Variants in GABRA2 observed in about 807,000 individuals in gnomAD.
GABRA2 encodes the protein gamma-aminobutyric acid type A receptor subunit alpha2.
GABRA2 carries 16 observed loss-of-function variants against 48.7 expected under a neutral mutation model. The observed-to-expected ratio is 0.33, with a 90% CI of 0.22 to 0.50. GABRA2 has a LOEUF of 0.50. Ranked by LOEUF, GABRA2 falls within the 20% of genes least tolerant of loss-of-function variation. The pLI is 0.98. For synonymous variants in GABRA2, 185 were observed against 184.5 expected, an observed-to-expected ratio of 1.00 and a Z score of -0.02; for missense variants, 275 against 535.6, an observed-to-expected ratio of 0.51 and a Z score of 4.80.
chr4:46,312,723 T>TA lies in GABRA2; in HGVS notation c.256-8dup, dbSNP rs376045789. On this transcript the variant is annotated splice_polypyrimidine_tract_variant and splice_region_variant and intron_variant, in intron 4 of 9. Transcript: ENST00000381620. Reference sequence around the variant, plus strand: ...AAACATCAATTGTATATTCCTGAAATAAAAAATAGAATTTTTTTGAAAATA... The same window carrying TA: ...AAACATCAATTGTATATTCCTGAAATAAAAAAATAGAATTTTTTTGAAAATA... 403 of 1,408,860 alleles carry TA rather than the reference T, an allele frequency of 2.9e-4. 1 individual carries two copies. In the African/African-American group the frequency reaches 4.8e-3, roughly 17 times the overall value. 87.3% of individuals were successfully genotyped at this position (1,408,860 alleles called of 1,614,324 possible). A position where few individuals can be genotyped will look rare whatever the true frequency, so the allele number is the denominator to read the frequency against.
Position 46,273,445 on chromosome 4 carries a change from G to GTGTC in GABRA2, c.857-11318_857-11317insGACA, listed in dbSNP as rs1553901998. Among the ~76,000 whole-genome samples the GTGTC allele has an allele frequency of 5.1e-4, 70 of 137,010 alleles. 2 individuals carry two copies. Among genetic ancestry groups the GTGTC allele is most frequent in the African/African-American group, 1.9e-3 (67 of 36,050 alleles). The allele number at this position is 137,010 out of a possible 152,430, so 89.9% of individuals were successfully genotyped here. ...TTCACACTGCAGATATATTTAGACA[G>GTGTC]TCTCTCTATAGACCATTCATTGCAT... On this transcript the variant is annotated intron_variant, in intron 8 of 9. Coordinates refer to ENST00000381620, the MANE Select transcript of GABRA2 (RefSeq NM_000807.4).
rs146332725 is a variant in GABRA2, at chr4:46,344,928, G to A, written c.188-12246C>T. ...GTTTAGGTAATCCTATTAATAAAAT[G>A]TAAAATATTGTATATCCATATGATA... On this transcript the variant is annotated intron_variant, in intron 3 of 9. Coordinates refer to ENST00000381620, the MANE Select transcript of GABRA2 (RefSeq NM_000807.4). 2.4e-3 allele frequency among the ~76,000 whole-genome samples: 358 copies of A among 151,998 alleles called. 4 individuals carry two copies. The highest frequency in any genetic ancestry group is 8.5e-3 in the African/African-American group (351 of 41,514).
intron 3 of GABRA2, among the ~76,000 whole-genome samples, chr4:46,382,177 TACACAC>T (rs36024364): frequency 7.1e-6 from 1 of 140,780 alleles, no homozygotes; most frequent in Non-Finnish European, 1.6e-5. Flanking sequence ...TACACAAACA[TACACAC>T]ACACACACAC....
rs2109359397 is a variant in GABRA2 at position 46,246,670 on chromosome 4, T to A, written c.*3638A>T. On this transcript the variant is annotated 3_prime_UTR_variant, in exon 10 of 10. Transcript: ENST00000381620. ...ATTGCTTCAAAAACATGCAGATGAA[T>A]GTCAGTGTGCCAGGAGACTAATAAC... Among the ~76,000 whole-genome samples the A allele has an allele frequency of 6.6e-6, 1 of 151,430 alleles. No individual in the cohort carries two copies. The highest frequency in any genetic ancestry group is 1.5e-5 in the Non-Finnish European group (1 of 67,474).
chr4:46,307,712 G>A (rs931417934), intron 6 of GABRA2, among the ~76,000 whole-genome samples: 5 of 152,050 alleles, frequency 3.3e-5, no homozygotes, highest in African/African-American at 9.7e-5. Context: ...TATGGAAGAT[G>A]GAAATCTAGA....
chr4:46,341,205 A>G (rs1733162571), intron 3 of GABRA2, among the ~76,000 whole-genome samples: 1 of 152,046 alleles, frequency 6.6e-6, no homozygotes, highest in South Asian at 2.1e-4. Flanking sequence ...CTTGTTGACT[A>G]GTAATTCTGA....
intron 8 of GABRA2, among the ~76,000 whole-genome samples, chr4:46,294,502 C>T (rs980437355): frequency 6.6e-6 from 1 of 152,134 alleles, no homozygotes; most frequent in Admixed American, 6.5e-5. Context: ...TATTGAGTGA[C>T]CTGAAAGGCT....
At chr4:46,377,415 T>G (rs1715937214) in intron 3 of GABRA2, among the ~76,000 whole-genome samples, 1 of 150,280 alleles carries the variant, frequency 6.7e-6, no homozygotes, top group African/African-American at 2.5e-5. Flanking sequence ...GGAGCGTCTC[T>G]GCCCAGCCGC....
Position 46,376,540 on chromosome 4 carries a change from A to G in GABRA2, c.187+9534T>C, listed in dbSNP as rs1578215868. The stretch of plus-strand genomic sequence containing the variant: ...GCGATGGTTGAAAAAACCAACTGCT[A>G]TTAACCAAAAATGTTTTCAGATGAA... On this transcript the variant is annotated intron_variant, in intron 3 of 9. Transcript: ENST00000381620. 2.0e-5 allele frequency among the ~76,000 whole-genome samples: 3 copies of G among 152,178 alleles called. No individual in the cohort carries two copies. The South Asian group carries it at 6.2e-4, about 32-fold the overall frequency.
At chr4:46,353,406 A>G (rs1735467211) in intron 3 of GABRA2, among the ~76,000 whole-genome samples, 1 of 152,146 alleles carries the variant, frequency 6.6e-6, no homozygotes. Flanking sequence ...CTGATAAGAT[A>G]TAAGAAAATC....
At chr4:46,252,309 C>T (rs753015495) in intron 9 of GABRA2, among the ~76,000 whole-genome samples, 1 of 151,448 alleles carries the variant, frequency 6.6e-6, no homozygotes, top group Admixed American at 6.6e-5. Context: ...AGTAATGATG[C>T]ATATAGTTCC....
At chr4:46,282,891 A>G (rs935316239) in intron 8 of GABRA2, among the ~76,000 whole-genome samples, 1 of 152,174 alleles carries the variant, frequency 6.6e-6, no homozygotes, top group Non-Finnish European at 1.5e-5. Context: ...TCCCTAAACT[A>G]CCTTATAAGA....
intron 3 of GABRA2, among the ~76,000 whole-genome samples, chr4:46,340,661 G>A (rs1733062128): frequency 6.6e-6 from 1 of 151,838 alleles, no homozygotes; most frequent in Non-Finnish European, 1.5e-5. Context: ...ATATAACTTG[G>A]TTTAGTGTAT....
chr4:46,261,007 A>G (rs907156434), intron 9 of GABRA2: 1 of 151,964 alleles, frequency 6.6e-6, no homozygotes. Flanking sequence ...TGTTAATCCA[A>G]ATTTAATAAA....
At chr4:46,341,808 C>T (rs1436113755) in intron 3 of GABRA2, among the ~76,000 whole-genome samples, 4 of 132,550 alleles carry the variant, frequency 3.0e-5, no homozygotes, top group Non-Finnish European at 5.2e-5. Context: ...ATTGTCATCT[C>T]AGTCCTCAGT....
chr4:46,245,721 C>A lies in GABRA2; in HGVS notation c.*4587G>T, dbSNP rs901372546. On this transcript the variant is annotated 3_prime_UTR_variant, in exon 10 of 10. Coordinates refer to ENST00000381620, the MANE Select transcript of GABRA2 (RefSeq NM_000807.4). ...ACACATACACACTCGCAAACATACA[C>A]ACATCACTGACACACACAGCTAAGA... 2.8e-4 allele frequency among the ~76,000 whole-genome samples: 43 copies of A among 151,266 alleles called. No individual in the cohort carries two copies. The highest frequency in any genetic ancestry group is 9.4e-4 in the African/African-American group (39 of 41,446).
intron 3 of GABRA2, among the ~76,000 whole-genome samples, chr4:46,356,238 T>TA (rs1735939832): frequency 6.6e-6 from 1 of 152,162 alleles, no homozygotes; most frequent in Non-Finnish European, 1.5e-5. Context: ...GCTCTGCTTT[T>TA]AATCCCTTTT....
rs41311282 is a variant in GABRA2, at chr4:46,312,727, A to G, written c.256-11T>C. Reference sequence around the variant, plus strand: ...ATCAATTGTATATTCCTGAAATAAAAAATAGAATTTTTTTGAAAATAGTAA... The same window carrying G: ...ATCAATTGTATATTCCTGAAATAAAGAATAGAATTTTTTTGAAAATAGTAA... On this transcript the variant is annotated splice_polypyrimidine_tract_variant and intron_variant, in intron 4 of 9. Coordinates refer to ENST00000381620, the MANE Select transcript of GABRA2 (RefSeq NM_000807.4). 1 of 1,397,146 alleles carries G rather than the reference A, an allele frequency of 7.2e-7. No homozygotes were observed. Among genetic ancestry groups the G allele is most frequent in the South Asian group, 1.3e-5 (1 of 75,704 alleles). 86.5% of individuals were successfully genotyped at this position (1,397,146 alleles called of 1,614,324 possible).
intron 3 of GABRA2, among the ~76,000 whole-genome samples, chr4:46,371,596 T>TG (rs1471842501): frequency 1.1e-5 from 1 of 87,374 alleles, no homozygotes. Flanking sequence ...TAGATATAGA[T>TG]TTTTTTTACT....
Sources: gnomAD v4.1 joint callset for allele counts (sites outside exome capture counted in the v4.1 genomes callset) on GRCh38, gnomAD v4.1.1 for gene constraint, MANE v1.5 for transcripts, NCBI Gene and HGNC (gene_info 2026-07-23, HGNC 2026-07-21) for gene names.